LDLRAD4: variants seen among roughly 807,000 people sequenced by gnomAD.
LDLRAD4 encodes low density lipoprotein receptor class A domain containing 4, also known as low-density lipoprotein receptor class A domain-containing protein 4.
LDLRAD4 carries 5 observed loss-of-function variants against 17.0 expected under a neutral mutation model. The ratio of observed to expected loss-of-function variants is 0.29; its 90% confidence interval spans 0.15 to 0.62. LDLRAD4 has a LOEUF of 0.62. LDLRAD4 is among the 20% of genes least tolerant of loss of function. LDLRAD4 has a pLI of 0.84. For missense variants in LDLRAD4, 340 were observed against 424.7 expected (o/e 0.80, Z 1.75); for synonymous variants, 168 against 171.8 (o/e 0.98, Z 0.17).
intron 2 of LDLRAD4, among the ~76,000 whole-genome samples, chr18:13,404,987 C>T (rs1049619274): frequency 4.6e-5 from 7 of 151,642 alleles, no homozygotes; most frequent in African/African-American, 1.5e-4. Context: ...ATGAAGAGGT[C>T]GTAAAAGTAG....
At chr18:13,369,746 A>G (rs1187594473) in intron 1 of LDLRAD4, among the ~76,000 whole-genome samples, 2 of 152,200 alleles carry the variant, frequency 1.3e-5, no homozygotes, top group African/African-American at 4.8e-5. Context: ...AGTGAACTTC[A>G]TGCTCTTTAG....
At chr18:13,572,590 G>A (rs1209734966) in intron 3 of LDLRAD4, among the ~76,000 whole-genome samples, 2 of 152,204 alleles carry the variant, frequency 1.3e-5, no homozygotes, top group Non-Finnish European at 2.9e-5. Flanking sequence ...CAGAAGGAAA[G>A]CAGGGAAGGG....
At chr18:13,396,283 C>T (rs1471006182) in intron 2 of LDLRAD4, among the ~76,000 whole-genome samples, 4 of 152,118 alleles carry the variant, frequency 2.6e-5, no homozygotes, top group Admixed American at 6.5e-5. Context: ...CCTAGCTGGG[C>T]GTGTAATTCT....
intron 3 of LDLRAD4, among the ~76,000 whole-genome samples, chr18:13,505,280 G>A (rs973907547): frequency 6.6e-6 from 1 of 152,226 alleles, no homozygotes; most frequent in Admixed American, 6.5e-5. Flanking sequence ...TGCTGGAGAT[G>A]ATACTGCGTA....
At chr18:13,299,851 A>G (rs953707554) in intron 1 of LDLRAD4, among the ~76,000 whole-genome samples, 1 of 152,134 alleles carries the variant, frequency 6.6e-6, no homozygotes, top group Non-Finnish European at 1.5e-5. Flanking sequence ...TCTTAAAAAA[A>G]AAAGGTAAAT....
chr18:13,430,812 GC>G, intron 2 of LDLRAD4, among the ~76,000 whole-genome samples: 1 of 152,230 alleles, frequency 6.6e-6, no homozygotes, highest in East Asian at 1.9e-4. Context: ...GGCTCCCTAG[GC>G]CCCCCAGCCC....
At chr18:13,342,512 T>G (rs1238558920) in intron 1 of LDLRAD4, among the ~76,000 whole-genome samples, 1 of 145,216 alleles carries the variant, frequency 6.9e-6, no homozygotes, top group African/African-American at 2.5e-5. Context: ...TGAGATGGAC[T>G]TTTCCTTCAT....
chr18:13,381,320 A>G lies in LDLRAD4; in HGVS notation c.-382-6021A>G, dbSNP rs530505011. 2.0e-5 allele frequency among the ~76,000 whole-genome samples: 3 copies of G among 152,262 alleles called. No individual in the cohort carries two copies. In the South Asian group the frequency reaches 6.2e-4, roughly 32 times the overall value. On this transcript the variant is annotated intron_variant, in intron 1 of 5. Coordinates refer to ENST00000359446, the Ensembl canonical transcript of LDLRAD4. The stretch of plus-strand genomic sequence containing the variant: ...TGGGCTCAAGCAATCCTCCTGCCAC[A>G]GCCTCCCAAAGCACTGGGGTTACAG...
At chr18:13,581,740 A>G (rs1200999862) in intron 3 of LDLRAD4, among the ~76,000 whole-genome samples, 1 of 152,210 alleles carries the variant, frequency 6.6e-6, no homozygotes. Context: ...GTATACAGAC[A>G]AAGCTGAGGA....
intron 4 of LDLRAD4, 104 bp from the exon 6 acceptor site, chr18:13,643,255 T>TC (rs2042760225): frequency 2.8e-6 from 2 of 722,880 alleles, no homozygotes; most frequent in Non-Finnish European, 4.5e-6. Context: ...TTTATGCAGA[T>TC]CCCCGTTTCC....
At chr18:13,285,995 A>C (rs905841743) in intron 1 of LDLRAD4, among the ~76,000 whole-genome samples, 7 of 152,206 alleles carry the variant, frequency 4.6e-5, no homozygotes, top group Non-Finnish European at 7.4e-5. Context: ...TGTGGCATTA[A>C]GTACATTCAC....
chr18:13,413,757 T>A (rs1463181515), intron 2 of LDLRAD4, among the ~76,000 whole-genome samples: 4 of 152,214 alleles, frequency 2.6e-5, no homozygotes, highest in African/African-American at 4.8e-5. Context: ...AAGTTTTATA[T>A]CTTCTTTCTA....
At position 13,281,991 on chromosome 18, in the gene LDLRAD4, C is replaced by T. The variant is rs536001710; in HGVS notation, c.-383+3803C>T. Among the ~76,000 whole-genome samples the T allele has an allele frequency of 1.5e-4, 23 of 152,172 alleles. No individual in the cohort carries two copies. The East Asian group carries it at 2.3e-3, about 15-fold the overall frequency. ...GAGGCCTCAGAATCATGACGGGAGG[C>T]GAAAGGCACTTCTTACATGGCGGCA... On this transcript the variant is annotated intron_variant, in intron 1 of 5. Transcript: ENST00000359446.
At chr18:13,229,477 C>T (rs2041964520) in intron 1 of LDLRAD4, among the ~76,000 whole-genome samples, 1 of 152,178 alleles carries the variant, frequency 6.6e-6, no homozygotes, top group Non-Finnish European at 1.5e-5. Flanking sequence ...CAAGTGTGTA[C>T]TCGTGAGACA....
At chr18:13,262,588 T>G (rs111354611) in intron 1 of LDLRAD4, among the ~76,000 whole-genome samples, 46 of 22,896 alleles carry the variant, frequency 2.0e-3, no homozygotes, top group African/African-American at 3.7e-3. Context: ...CTCCGTGCGT[T>G]GGGGCTGAGT....
At chr18:13,396,147 A>G (rs1295533280) in intron 2 of LDLRAD4, among the ~76,000 whole-genome samples, 1 of 152,230 alleles carries the variant, frequency 6.6e-6, no homozygotes, top group African/African-American at 2.4e-5. Flanking sequence ...GTATGGGAGT[A>G]TGGACTCTTT....
intron 2 of LDLRAD4, among the ~76,000 whole-genome samples, chr18:13,407,453 A>G (rs1600031194): frequency 6.6e-6 from 1 of 152,232 alleles, no homozygotes; most frequent in East Asian, 1.9e-4. Flanking sequence ...GAACAAGACA[A>G]TGCATTGTGC....
intron 3 of LDLRAD4, 124 bp downstream of exon 4, chr18:13,438,508 C>A: frequency 1.3e-6 from 1 of 759,612 alleles, no homozygotes; most frequent in Non-Finnish European, 2.2e-6. Flanking sequence ...TGCATTTTCA[C>A]AAAGGAAATG....
At chr18:13,325,352 T>C (rs1040320927) in intron 1 of LDLRAD4, among the ~76,000 whole-genome samples, 2 of 151,870 alleles carry the variant, frequency 1.3e-5, no homozygotes, top group African/African-American at 4.8e-5. Flanking sequence ...AGACGCAGAG[T>C]AGGATTTCAA....
Sources: allele counts gnomAD v4.1 joint callset (sites outside exome capture counted in the v4.1 genomes callset), GRCh38; gene constraint gnomAD v4.1.1; transcripts MANE v1.5; gene names NCBI Gene and HGNC (gene_info 2026-07-23, HGNC 2026-07-21).